AGO2: variants seen among roughly 807,000 people sequenced by gnomAD.
The protein encoded by AGO2 is argonaute RISC catalytic component 2.
AGO2 carries 5 observed loss-of-function variants against 102.3 expected under a neutral mutation model. The observed-to-expected ratio is 0.05, with a 90% CI of 0.03 to 0.10. The LOEUF is 0.10. Ranked by LOEUF, AGO2 falls within the 10% of genes least tolerant of loss-of-function variation. AGO2 has a pLI of 1.00. For missense variants in AGO2, 541 were observed against 1,183.7 expected, an observed-to-expected ratio of 0.46 and a Z score of 7.97; for synonymous variants, 449 against 473.1, an observed-to-expected ratio of 0.95 and a Z score of 0.66.
At chr8:140,613,184 AGC>A (rs1293142735) in intron 1 of AGO2, among the ~76,000 whole-genome samples, 23 of 152,210 alleles carry the variant, frequency 1.5e-4, no homozygotes, top group African/African-American at 5.5e-4. Flanking sequence ...TGGGCGACAG[AGC>A]AAGACTCCGT....
chr8:140,538,099 C>T (rs373051233), intron 16 of AGO2, among the ~76,000 whole-genome samples: 8 of 152,198 alleles, frequency 5.3e-5, no homozygotes, highest in Non-Finnish European at 8.8e-5. Flanking sequence ...GGATTACAGG[C>T]GTGAGCCACC....
chr8:140,615,557 C>A (rs1459819869), intron 1 of AGO2, among the ~76,000 whole-genome samples: 1 of 152,248 alleles, frequency 6.6e-6, no homozygotes, highest in Non-Finnish European at 1.5e-5. Flanking sequence ...CCTGCCCCAC[C>A]GCCTGGCCAG....
rs1386366277 is a variant in AGO2 at position 140,553,404 on chromosome 8, G to GTTTTTT, written c.1270-1974_1270-1969dup. Among the ~76,000 whole-genome samples the GTTTTTT allele has an allele frequency of 5.3e-4, 54 of 101,666 alleles. 1 individual carries two copies. Among genetic ancestry groups the GTTTTTT allele is most frequent in the Non-Finnish European group, 6.5e-4 (34 of 52,596 alleles). 66.7% of individuals were successfully genotyped at this position (101,666 alleles called of 152,430 possible). ...GCCTCAAACAAGTTACAAGTTTTTT[G>GTTTTTT]TTTTTTGTTTTTTTTTTTTTTTGAG... On this transcript the variant is annotated intron_variant, in intron 10 of 18. Transcript: ENST00000220592.
chr8:140,625,009 G>A (rs1023464344), intron 1 of AGO2, among the ~76,000 whole-genome samples: 2 of 152,144 alleles, frequency 1.3e-5, no homozygotes, highest in East Asian at 3.8e-4. Flanking sequence ...CTCCAGGAAG[G>A]CCTCCCTGCT....
At chr8:140,561,152 G>A (rs993575082) in intron 4 of AGO2, among the ~76,000 whole-genome samples, 2 of 152,246 alleles carry the variant, frequency 1.3e-5, no homozygotes, top group Admixed American at 6.5e-5. Context: ...GGAGCTACTC[G>A]ACTGAAGCAG....
intron 5 of AGO2, among the ~76,000 whole-genome samples, chr8:140,559,867 T>C (rs1419270105): frequency 6.6e-6 from 1 of 152,240 alleles, no homozygotes; most frequent in Non-Finnish European, 1.5e-5. Context: ...TTTCCTTTTA[T>C]GTAGTTCTTT....
intron 17 of AGO2, among the ~76,000 whole-genome samples, chr8:140,533,263 T>C (rs1193519120): frequency 2.5e-4 from 37 of 147,694 alleles, no homozygotes; most frequent in African/African-American, 6.7e-4. Flanking sequence ...GTGGCGGGCA[T>C]CTGTAGTCCC....
intron 3 of AGO2, among the ~76,000 whole-genome samples, chr8:140,569,673 AC>A (rs2073346773): frequency 6.6e-6 from 1 of 152,194 alleles, no homozygotes; most frequent in African/African-American, 2.4e-5. Flanking sequence ...CAGGAGTTCA[AC>A]CCAAAATGCT....
At chr8:140,573,425 C>T (rs762027820) in intron 2 of AGO2, among the ~76,000 whole-genome samples, 35 of 152,200 alleles carry the variant, frequency 2.3e-4, no homozygotes, top group African/African-American at 7.2e-4. Flanking sequence ...GTGATCCACC[C>T]GCCTTGGCCT....
intron 8 of AGO2, 85 bp from the exon 9 acceptor site, chr8:140,556,371 T>C: frequency 6.4e-7 from 1 of 1,550,532 alleles, no homozygotes. Context: ...GCTGGTGGCC[T>C]GGCTCTGCTT....
chr8:140,554,840 C>T (rs2073067554), intron 10 of AGO2, among the ~76,000 whole-genome samples: 2 of 152,024 alleles, frequency 1.3e-5, no homozygotes, highest in South Asian at 4.1e-4. Flanking sequence ...TACAGGTGCG[C>T]ACCACCACTC....
chr8:140,566,107 C>T (rs543676684), intron 3 of AGO2, among the ~76,000 whole-genome samples: 7 of 152,024 alleles, frequency 4.6e-5, no homozygotes, highest in South Asian at 2.1e-4. Flanking sequence ...TGGCTATGTC[C>T]CCACCCAAAT....
intron 2 of AGO2, among the ~76,000 whole-genome samples, chr8:140,579,615 C>G (rs776813482): frequency 6.6e-6 from 1 of 152,052 alleles, no homozygotes; most frequent in South Asian, 2.1e-4. Context: ...CCCCAGCGCA[C>G]TCCTCTAACC....
intron 2 of AGO2, among the ~76,000 whole-genome samples, chr8:140,574,142 C>A (rs2073428685): frequency 6.7e-6 from 1 of 148,716 alleles, no homozygotes; most frequent in Admixed American, 6.8e-5. Flanking sequence ...ACCCCCCAAC[C>A]CCCACTTCCC....
chr8:140,544,240 C>T lies in AGO2; in HGVS notation c.1812G>A (p.Gly604=), dbSNP rs754659645. Residue 604 remains glycine, a synonymous_variant, in exon 14 of 19, where the codon GGG becomes GGA. Transcript: ENST00000220592. ...CGGCAATGGAGGGCTTCTTCCCATCCCCGGCGGGGGGGTGAGTGACGTCTG... is the reference window on the plus strand; with the variant it reads ...CGGCAATGGAGGGCTTCTTCCCATCTCCGGCGGGGGGGTGAGTGACGTCTG... ...LGADVTHPPA[G]DGKKPSIAAV... 2.5e-6 allele frequency: 4 copies of T among 1,594,954 alleles called. No homozygotes were observed. Among genetic ancestry groups the T allele is most frequent in the Middle Eastern group, 1.7e-4 (1 of 6,002 alleles).
chr8:140,560,562 G>C (rs766121393), intron 4 of AGO2, 52 bp from the exon 5 acceptor site: 3 of 1,575,404 alleles, frequency 1.9e-6, no homozygotes, highest in Non-Finnish European at 2.6e-6. Flanking sequence ...CTTCCGGAAG[G>C]AACAGCTGCC....
chr8:140,560,645 T>G, intron 4 of AGO2, 135 bp from the exon 5 acceptor site: 1 of 1,064,308 alleles, frequency 9.4e-7, no homozygotes, highest in Non-Finnish European at 1.3e-6. Flanking sequence ...AATCCACGTT[T>G]ACCACACGGC....
chr8:140,572,729 G>A lies in AGO2; in HGVS notation c.336+83C>T, dbSNP rs1276523741. 5 of 1,531,472 alleles carry A rather than the reference G, an allele frequency of 3.3e-6. No homozygotes were observed. The Admixed American group carries it at 8.1e-5, about 25-fold the overall frequency. The allele number at this position is 1,531,472 out of a possible 1,614,324, so 94.9% of individuals were successfully genotyped here. ...CTCAGTGAAATAGTTTCGTGTATGAGAACAGGCATGACAGACTTTACAACA... is the reference window on the plus strand; with the variant it reads ...CTCAGTGAAATAGTTTCGTGTATGAAAACAGGCATGACAGACTTTACAACA... On this transcript the variant is annotated intron_variant, in intron 3 of 18. Transcript: ENST00000220592.
Position 140,555,881 on chromosome 8 carries a change from C to T in AGO2, c.1269+15G>A. The T allele has an allele frequency of 6.2e-7, 1 of 1,610,288 alleles. No individual in the cohort carries two copies. Among genetic ancestry groups the T allele is most frequent in the Non-Finnish European group, 8.5e-7 (1 of 1,178,168 alleles). On this transcript the variant is annotated intron_variant, in intron 10 of 18. Coordinates refer to ENST00000220592, the MANE Select transcript of AGO2 (RefSeq NM_012154.5). Reference sequence around the variant, plus strand: ...ATGCCCCGCAGCCACACGTTCCCCGCCGCCCCACACGTACCCTGCCCCCGT... The same window carrying T: ...ATGCCCCGCAGCCACACGTTCCCCGTCGCCCCACACGTACCCTGCCCCCGT...
Sources: allele counts gnomAD v4.1 joint callset (sites outside exome capture counted in the v4.1 genomes callset), GRCh38; gene constraint gnomAD v4.1.1; transcripts MANE v1.5; gene names NCBI Gene and HGNC (gene_info 2026-07-23, HGNC 2026-07-21).